GNG2: variants seen among roughly 807,000 people sequenced by gnomAD.
The protein encoded by GNG2 is guanine nucleotide-binding protein G(I)/G(S)/G(O) subunit gamma-2.
In GNG2, 5 loss-of-function variants were observed where a neutral mutation model predicts 5.5. The ratio of observed to expected loss-of-function variants is 0.91; its 90% CI spans 0.48 to 1.92. The LOEUF (loss-of-function observed/expected upper bound fraction) is 1.92, where lower values mean the gene tolerates loss of function less well. Among genes scored for constraint, GNG2 ranks in the 30% most tolerant of loss-of-function variants. The probability of loss-of-function intolerance (pLI) is 0.01; values close to 1 mark genes in which losing one functional copy is unlikely to be tolerated. For missense variants in GNG2, 55 were observed against 88.4 expected (o/e 0.62, Z 1.52); for synonymous variants, 28 against 32.0 (o/e 0.88, Z 0.42).
rs1350268488 is a variant in GNG2 at position 51,968,738 on chromosome 14, C to T, written c.*2051C>T. On this transcript the variant is annotated 3_prime_UTR_variant, in exon 4 of 4. Coordinates refer to ENST00000556766, the MANE Select transcript of GNG2 (RefSeq NM_053064.5). Reference sequence around the variant, plus strand: ...AAACATATCACAGTTTTTACATGGGCCAAAACATGAATTGAGTATGTGGTC... The same window carrying T: ...AAACATATCACAGTTTTTACATGGGTCAAAACATGAATTGAGTATGTGGTC... 6.6e-6 allele frequency: 1 copy of T among 152,064 alleles called. No individual in the cohort carries two copies. Among genetic ancestry groups the T allele is most frequent in the South Asian group, 2.1e-4 (1 of 4,824 alleles). The allele number at this position is 152,064 out of a possible 1,614,324, so 9.4% of individuals were successfully genotyped here.
chr14:51,940,591 AGTT>A, intron 2 of GNG2, among the ~76,000 whole-genome samples: 1 of 152,322 alleles, frequency 6.6e-6, no homozygotes, highest in East Asian at 1.9e-4. Context: ...GTGACTTCCC[AGTT>A]GTTGAAAGAC....
At chr14:51,842,735 G>T (rs1179578858) in intron 2 of GNG2, among the ~76,000 whole-genome samples, 1 of 151,620 alleles carries the variant, frequency 6.6e-6, no homozygotes, top group East Asian at 1.9e-4. Context: ...CACAATCTCG[G>T]CTCACTGCAA....
At chr14:51,840,214 G>A (rs1881445587) in intron 2 of GNG2, among the ~76,000 whole-genome samples, 1 of 152,098 alleles carries the variant, frequency 6.6e-6, no homozygotes, top group Admixed American at 6.5e-5. Context: ...CCTCGGTCTG[G>A]GAGCATGACA....
chr14:51,939,239 G>T (rs945585790), intron 2 of GNG2, among the ~76,000 whole-genome samples: 1 of 152,150 alleles, frequency 6.6e-6, no homozygotes, highest in African/African-American at 2.4e-5. Flanking sequence ...CCAAGTCTCA[G>T]ATAAAAACTA....
chr14:51,922,261 G>T (rs979227340), intron 2 of GNG2, among the ~76,000 whole-genome samples: 13 of 152,202 alleles, frequency 8.5e-5, no homozygotes, highest in African/African-American at 3.1e-4. Flanking sequence ...TCATGGGAAA[G>T]AAATTGCTTG....
chr14:51,847,991 G>A (rs1338723406), intron 2 of GNG2, among the ~76,000 whole-genome samples: 1 of 133,020 alleles, frequency 7.5e-6, no homozygotes, highest in Non-Finnish European at 1.5e-5. Flanking sequence ...AAATTGAGAT[G>A]AACAAATTCT....
At position 51,969,388 on chromosome 14, in the gene GNG2, A is replaced by C. The variant is rs1268770847; in HGVS notation, c.*2701A>C. On this transcript the variant is annotated 3_prime_UTR_variant, in exon 4 of 4. Transcript: ENST00000556766. ...TGTTTAATTTCAATCAGAAGATGCA[A>C]ATACATACTTTGATCTATGTTTGAT... The C allele has an allele frequency of 6.6e-6, 1 of 152,212 alleles. No individual in the cohort carries two copies. The highest frequency in any genetic ancestry group is 2.4e-5 in the African/African-American group (1 of 41,462). The allele number at this position is 152,212 out of a possible 1,614,324, so 9.4% of individuals were successfully genotyped here. A position where few individuals can be genotyped will look rare whatever the true frequency, so the allele number is the denominator to read the frequency against.
intron 2 of GNG2, among the ~76,000 whole-genome samples, chr14:51,917,950 T>C (rs1018004502): frequency 3.3e-5 from 5 of 149,304 alleles, no homozygotes; most frequent in African/African-American, 1.2e-4. Context: ...TGCTTGAACT[T>C]GGAAAGTGGA....
intron 2 of GNG2, among the ~76,000 whole-genome samples, chr14:51,904,428 T>C (rs948577827): frequency 6.6e-6 from 1 of 152,178 alleles, no homozygotes; most frequent in Admixed American, 6.5e-5. Context: ...CCTTACCATC[T>C]TGCATAGGAT....
intron 2 of GNG2, among the ~76,000 whole-genome samples, chr14:51,832,851 A>G (rs1373850172): frequency 6.6e-6 from 1 of 152,218 alleles, no homozygotes; most frequent in Non-Finnish European, 1.5e-5. Context: ...TATACAAATT[A>G]AGGGGTTTTA....
intron 2 of GNG2, among the ~76,000 whole-genome samples, chr14:51,932,352 G>A (rs1036153971): frequency 2.0e-5 from 3 of 151,866 alleles, no homozygotes; most frequent in Admixed American, 6.6e-5. Flanking sequence ...TACAGCATGG[G>A]TGAACCTTGA....
intron 2 of GNG2, among the ~76,000 whole-genome samples, chr14:51,884,851 C>T (rs551485572): frequency 1.8e-4 from 28 of 152,150 alleles, no homozygotes; most frequent in Non-Finnish European, 3.4e-4. Flanking sequence ...CACCAGACCA[C>T]GATAGTTGGT....
chr14:51,839,902 T>C (rs1234167909), intron 2 of GNG2, among the ~76,000 whole-genome samples: 1 of 152,332 alleles, frequency 6.6e-6, no homozygotes, highest in South Asian at 2.1e-4. Flanking sequence ...TCTAACTTCA[T>C]GTTATTACAA....
intron 2 of GNG2, among the ~76,000 whole-genome samples, chr14:51,901,897 G>A (rs960421000): frequency 7.4e-5 from 10 of 134,256 alleles, no homozygotes; most frequent in African/African-American, 2.8e-4. Context: ...GTTATTACAT[G>A]GTTTGAACAG....
chr14:51,920,135 G>T (rs1012174165), intron 2 of GNG2, among the ~76,000 whole-genome samples: 1 of 152,030 alleles, frequency 6.6e-6, no homozygotes. Flanking sequence ...TCAAAAATAT[G>T]GTATTTGTGG....
intron 1 of GNG2, among the ~76,000 whole-genome samples, chr14:51,861,054 A>T (rs914711553): frequency 2.6e-5 from 4 of 152,160 alleles, no homozygotes; most frequent in African/African-American, 9.7e-5. Flanking sequence ...GTTCTCTCGG[A>T]GGAAAACCAG....
chr14:51,966,029 T>C (rs1889872549), intron 3 of GNG2, among the ~76,000 whole-genome samples: 3 of 151,114 alleles, frequency 2.0e-5, no homozygotes, highest in Non-Finnish European at 4.4e-5. Flanking sequence ...GCCAACGTGG[T>C]GAAACCCTGT....
chr14:51,922,379 C>T (rs1188328938), intron 2 of GNG2, among the ~76,000 whole-genome samples: 1 of 152,166 alleles, frequency 6.6e-6, no homozygotes, highest in African/African-American at 2.4e-5. Context: ...TGAAACTTTT[C>T]TGGAGACCAG....
intron 2 of GNG2, among the ~76,000 whole-genome samples, chr14:51,895,093 G>A (rs1277797506): frequency 6.6e-6 from 1 of 151,096 alleles, no homozygotes; most frequent in Non-Finnish European, 1.5e-5. Flanking sequence ...CTAAAGCCAG[G>A]AAATAAAAAG....
Sources: allele counts gnomAD v4.1 joint callset (sites outside exome capture counted in the v4.1 genomes callset), GRCh38; gene constraint gnomAD v4.1.1; transcripts MANE v1.5; gene names NCBI Gene and HGNC (gene_info 2026-07-23, HGNC 2026-07-21).